RGS6: variants seen among roughly 807,000 people sequenced by gnomAD.
RGS6 encodes regulator of G protein signaling 6.
RGS6 carries 30 observed loss-of-function variants against 78.5 expected under a neutral mutation model. That is an observed-to-expected ratio of 0.38 (90% CI 0.29 to 0.52). The LOEUF (loss-of-function observed/expected upper bound fraction) is 0.52. Among genes scored for constraint, RGS6 ranks in the 20% least tolerant of loss-of-function variants. The pLI is 0.85. For synonymous variants in RGS6, 206 were observed against 206.0 expected (o/e 1.00, Z 0.00); for missense variants, 495 against 609.7 (o/e 0.81, Z 1.98).
At chr14:72,475,830 G>GCGCA (rs113920568) in intron 10 of RGS6, among the ~76,000 whole-genome samples, 5,958 of 145,576 alleles carry the variant, frequency 0.041, 285 homozygotes, top group African/African-American at 0.12. Flanking sequence ...AAAAATACAC[G>GCGCA]CACACACACA....
the RGS6 span, among the ~76,000 whole-genome samples, chr14:71,876,813 C>G: frequency 6.6e-6 from 1 of 152,056 alleles, no homozygotes; most frequent in African/African-American, 2.4e-5. Context: ...GTGGCTGGTA[C>G]CAATTGTTCA....
chr14:72,268,189 T>G (rs2059369582), intron 2 of RGS6, among the ~76,000 whole-genome samples: 1 of 152,234 alleles, frequency 6.6e-6, no homozygotes, highest in African/African-American at 2.4e-5. Context: ...TACCCCACTG[T>G]GCTTCCGGGG....
At chr14:72,316,790 G>C (rs1158835355) in intron 2 of RGS6, among the ~76,000 whole-genome samples, 1 of 151,734 alleles carries the variant, frequency 6.6e-6, no homozygotes, top group African/African-American at 2.4e-5. Flanking sequence ...TTTCTGCATA[G>C]CAAAATACAT....
intron 2 of RGS6, among the ~76,000 whole-genome samples, chr14:72,248,149 G>C (rs1202413188): frequency 6.6e-6 from 1 of 152,102 alleles, no homozygotes; most frequent in Non-Finnish European, 1.5e-5. Flanking sequence ...GGTTCTGTAA[G>C]GTCAAATTAT....
chr14:72,142,296 G>A (rs1004921388), intron 2 of RGS6, among the ~76,000 whole-genome samples: 3 of 151,050 alleles, frequency 2.0e-5, no homozygotes, highest in African/African-American at 4.9e-5. Context: ...TCTCTTTCCT[G>A]TGGTCATAAA....
chr14:71,907,677 G>A, the RGS6 span, among the ~76,000 whole-genome samples: 2 of 152,084 alleles, frequency 1.3e-5, no homozygotes, highest in Admixed American at 6.6e-5. Flanking sequence ...TATGAGGGCC[G>A]GGGTGGGAAA....
chr14:72,262,443 C>A (rs563825727), intron 2 of RGS6, among the ~76,000 whole-genome samples: 2 of 152,148 alleles, frequency 1.3e-5, no homozygotes, highest in African/African-American at 4.8e-5. Context: ...AGCTGTCTGG[C>A]GTCTCTTCCT....
intron 3 of RGS6, among the ~76,000 whole-genome samples, chr14:72,388,225 T>C (rs905747399): frequency 6.6e-6 from 1 of 152,126 alleles, no homozygotes; most frequent in Non-Finnish European, 1.5e-5. Flanking sequence ...AAAGTATACA[T>C]ATGGGAAAAC....
At chr14:71,872,261 G>A in the RGS6 span, among the ~76,000 whole-genome samples, 6 of 152,248 alleles carry the variant, frequency 3.9e-5, no homozygotes, top group South Asian at 1.0e-3. Flanking sequence ...GAACTGATTC[G>A]GTGACTCAGG....
At chr14:72,541,141 C>T (rs1467859924) in intron 17 of RGS6, 1 of 1,371,676 alleles carries the variant, frequency 7.3e-7, no homozygotes, top group Non-Finnish European at 9.6e-7. Flanking sequence ...TGGCCACATT[C>T]CCTTCCCAAA....
intron 2 of RGS6, among the ~76,000 whole-genome samples, chr14:71,981,354 C>A (rs1348240221): frequency 6.6e-6 from 1 of 152,140 alleles, no homozygotes; most frequent in Non-Finnish European, 1.5e-5. Context: ...TTTAGAGTTT[C>A]CCGTTTTTCT....
At chr14:71,878,878 G>A in the RGS6 span, among the ~76,000 whole-genome samples, 3 of 152,156 alleles carry the variant, frequency 2.0e-5, no homozygotes, top group Non-Finnish European at 4.4e-5. Flanking sequence ...TTTCATCCTT[G>A]CCATAGCTCC....
chr14:72,258,941 G>A (rs1056053174), intron 2 of RGS6, among the ~76,000 whole-genome samples: 2 of 152,148 alleles, frequency 1.3e-5, no homozygotes, highest in Admixed American at 6.5e-5. Context: ...AGCAGCCAAG[G>A]AGAAAATGGA....
the RGS6 span, among the ~76,000 whole-genome samples, chr14:72,608,732 T>C: frequency 6.6e-6 from 1 of 152,214 alleles, no homozygotes; most frequent in Non-Finnish European, 1.5e-5. Context: ...ATGAAAGCTG[T>C]CACGGTGACT....
At chr14:72,590,346 A>G in the RGS6 span, among the ~76,000 whole-genome samples, 1 of 152,274 alleles carries the variant, frequency 6.6e-6, no homozygotes, top group African/African-American at 2.4e-5. Flanking sequence ...AATAGGCATC[A>G]CAGCTTTATT....
intron 2 of RGS6, among the ~76,000 whole-genome samples, chr14:72,240,064 C>T (rs533137058): frequency 3.2e-3 from 492 of 152,208 alleles, no homozygotes; most frequent in African/African-American, 0.011. Flanking sequence ...CTATGGATGG[C>T]GGAGTGTTTC....
intron 2 of RGS6, among the ~76,000 whole-genome samples, chr14:72,007,209 G>T (rs149831443): frequency 6.6e-6 from 1 of 151,164 alleles, no homozygotes; most frequent in Admixed American, 6.6e-5. Flanking sequence ...AGAAACTGAA[G>T]GTAAAACTAT....
intron 2 of RGS6, among the ~76,000 whole-genome samples, chr14:72,028,032 T>C (rs889188174): frequency 6.6e-6 from 1 of 152,254 alleles, no homozygotes; most frequent in African/African-American, 2.4e-5. Context: ...ACTGCGTGTT[T>C]GTGCTGCTGG....
At chr14:72,568,462 G>A (rs960324730), downstream of RGS6, among the ~76,000 whole-genome samples, 4 of 152,128 alleles carry the variant, frequency 2.6e-5, no homozygotes, top group Non-Finnish European at 5.9e-5. Context: ...TGCCCTTCCC[G>A]CCAACCTCGA....
Sources: allele counts gnomAD v4.1 joint callset (sites outside exome capture counted in the v4.1 genomes callset), GRCh38; gene constraint gnomAD v4.1.1; transcripts MANE v1.5; gene names NCBI Gene and HGNC (gene_info 2026-07-23, HGNC 2026-07-21).